The following PRKAG2 variants were observed in gnomAD, a reference collection of about 807,000 sequenced individuals.
PRKAG2 encodes the protein protein kinase AMP-activated non-catalytic subunit gamma 2.
In PRKAG2, 26 loss-of-function variants were observed where a neutral mutation model predicts 69.6. The observed-to-expected ratio is 0.37, with a 90% CI of 0.27 to 0.52. PRKAG2 has a LOEUF of 0.52. Among genes scored for constraint, PRKAG2 ranks in the 20% least tolerant of loss-of-function variants. The pLI is 0.90. For synonymous variants in PRKAG2, 293 were observed against 285.0 expected (o/e 1.03, Z -0.28); for missense variants, 557 against 740.0 (o/e 0.75, Z 2.87).
At chr7:151,855,348 G>GCTCCACACACACCGCC (rs2079723994) in intron 1 of PRKAG2, among the ~76,000 whole-genome samples, 1 of 1,330 alleles carries the variant, frequency 7.5e-4, no homozygotes, top group Non-Finnish European at 1.2e-3. Context: ...CACACACCAT[G>GCTCCACACACACCGCC]CTCCACACAC....
Position 151,781,263 on chromosome 7 carries a change from G to T in PRKAG2, c.355C>A (p.Arg119=). Residue 119 remains arginine, a synonymous_variant, in exon 3 of 16, where the codon CGA becomes AGA. Coordinates refer to ENST00000287878, the MANE Select transcript of PRKAG2 (RefSeq NM_016203.4). The surrounding 1 kb of genome is among the most constrained non-coding windows in gnomAD (Gnocchi z 6.1). ...SYQESPPRSP[R]RMSFSGIFRS... ...AAGATCCCACTGAAGCTCATGCGTCGAGGGGAGCGTGGCGGGGACTCCTGG... is the reference window on the plus strand; with the variant it reads ...AAGATCCCACTGAAGCTCATGCGTCTAGGGGAGCGTGGCGGGGACTCCTGG... 1 of 1,614,130 alleles carries T rather than the reference G, an allele frequency of 6.2e-7. No homozygotes were observed. The highest frequency in any genetic ancestry group is 8.5e-7 in the Non-Finnish European group (1 of 1,180,054).
chr7:151,686,546 G>A (rs545958993), intron 3 of PRKAG2, among the ~76,000 whole-genome samples: 114 of 152,208 alleles, frequency 7.5e-4, no homozygotes, highest in Non-Finnish European at 1.3e-3. Context: ...TGCAGCTGCC[G>A]GCCAGGCCAG....
intron 6 of PRKAG2, among the ~76,000 whole-genome samples, chr7:151,576,730 A>G (rs1809038696): frequency 6.6e-6 from 1 of 151,890 alleles, no homozygotes; most frequent in Admixed American, 6.6e-5. Context: ...CGAACTCCTG[A>G]CCTCAAGTGA....
intron 1 of PRKAG2, among the ~76,000 whole-genome samples, chr7:151,860,580 C>T (rs1336351385): frequency 1.3e-5 from 2 of 152,128 alleles, no homozygotes; most frequent in Non-Finnish European, 2.9e-5. Context: ...CCACCCCACC[C>T]GAGGCCCACT....
intron 3 of PRKAG2, among the ~76,000 whole-genome samples, chr7:151,702,507 C>G (rs73158176): frequency 0.19 from 28,301 of 152,250 alleles, 3,346 homozygotes; most frequent in Non-Finnish European, 0.26. Context: ...CCTGCCCACC[C>G]GCTTGCCTTC....
chr7:151,661,386 C>T (rs1439858766), intron 4 of PRKAG2, among the ~76,000 whole-genome samples: 1 of 152,106 alleles, frequency 6.6e-6, no homozygotes, highest in East Asian at 1.9e-4. Context: ...CCATATTGGT[C>T]AGGCTGGTCT....
At chr7:151,618,232 C>T (rs1820623746) in intron 5 of PRKAG2, among the ~76,000 whole-genome samples, 1 of 152,048 alleles carries the variant, frequency 6.6e-6, no homozygotes, top group Admixed American at 6.6e-5. Flanking sequence ...GCAGGCAGAT[C>T]ACTTGAGGTC....
At chr7:151,851,341 C>CA (rs968504142) in intron 1 of PRKAG2, among the ~76,000 whole-genome samples, 174 of 114,484 alleles carry the variant, frequency 1.5e-3, no homozygotes, top group South Asian at 3.3e-3. Flanking sequence ...GGGCCTCTGG[C>CA]AAAAAAAAAA....
At chr7:151,832,162 T>G (rs1330450069) in intron 1 of PRKAG2, among the ~76,000 whole-genome samples, 1 of 150,576 alleles carries the variant, frequency 6.6e-6, no homozygotes, top group African/African-American at 2.5e-5. Flanking sequence ...TGAAATTGAA[T>G]TTCCCCCCAA....
chr7:151,649,921 T>C (rs1828188720), intron 4 of PRKAG2, among the ~76,000 whole-genome samples: 1 of 152,150 alleles, frequency 6.6e-6, no homozygotes, highest in Admixed American at 6.5e-5. Context: ...CATACAGTGC[T>C]TTTTAAAGGG....
chr7:151,697,490 G>A (rs535992173), intron 3 of PRKAG2, among the ~76,000 whole-genome samples: 8 of 152,234 alleles, frequency 5.3e-5, no homozygotes, highest in Non-Finnish European at 7.4e-5. Flanking sequence ...AGGACCCGCC[G>A]CTGGAAGTGA....
intron 5 of PRKAG2, among the ~76,000 whole-genome samples, chr7:151,602,390 T>C (rs1258391681): frequency 6.6e-6 from 1 of 152,220 alleles, no homozygotes; most frequent in African/African-American, 2.4e-5. Context: ...ACACATATTA[T>C]AGACATATTA....
intron 1 of PRKAG2, 107 bp downstream of exon 1, chr7:151,876,400 G>T: frequency 9.0e-7 from 1 of 1,105,936 alleles, no homozygotes; most frequent in Non-Finnish European, 1.4e-6. Flanking sequence ...GAAGTGACAG[G>T]AGGGGCACGC....
At chr7:151,762,218 C>T (rs1394997990) in intron 3 of PRKAG2, among the ~76,000 whole-genome samples, 1 of 152,134 alleles carries the variant, frequency 6.6e-6, no homozygotes, top group East Asian at 1.9e-4. Context: ...AGAGGAAGGC[C>T]CTGCATGGTA....
At chr7:151,874,811 C>T (rs571358989) in intron 1 of PRKAG2, among the ~76,000 whole-genome samples, 167 of 152,260 alleles carry the variant, frequency 1.1e-3, no homozygotes, top group African/African-American at 3.9e-3. Flanking sequence ...TCACTTGAGC[C>T]TGGGGAGGTT....
rs876657566 is a variant in PRKAG2, at chr7:151,595,372, C to T, written c.837G>A (p.Lys279=). 1.2e-6 allele frequency: 2 copies of T among 1,613,660 alleles called. No homozygotes were observed. Among genetic ancestry groups the T allele is most frequent in the Non-Finnish European group, 1.7e-6 (2 of 1,179,702 alleles). The change falls in exon 6 of 16, where the codon AAG becomes AAA. Residue 279 remains lysine (K), a synonymous_variant. Transcript: ENST00000287878. ...KCYDIVPTSS[K]LVVFDTTLQV... ...GTAATGTAGTATCAAAGACAACAAGCTTTGAACTGGTTGGAACGATGTCAT... is the reference window on the plus strand; with the variant it reads ...GTAATGTAGTATCAAAGACAACAAGTTTTGAACTGGTTGGAACGATGTCAT...
chr7:151,638,616 G>C lies in PRKAG2; in HGVS notation c.685-6478C>G, dbSNP rs1054514484. On this transcript the variant is annotated intron_variant, in intron 4 of 15. Coordinates refer to ENST00000287878, the MANE Select transcript of PRKAG2 (RefSeq NM_016203.4). This position sits in a 1 kb window ranked among gnomAD's most constrained non-coding sequence, Gnocchi z 4.3. ...ACCACTGCACTCCAGCTTGGCGACA[G>C]AGTGAGACTCTGTCTCAAAAAAAAA... Among the ~76,000 whole-genome samples the C allele has an allele frequency of 2.0e-5, 3 of 151,958 alleles. No homozygotes were observed. The highest frequency in any genetic ancestry group is 2.9e-5 in the Non-Finnish European group (2 of 68,014).
intron 5 of PRKAG2, among the ~76,000 whole-genome samples, chr7:151,628,060 GAC>G (rs2151305436): frequency 6.6e-6 from 1 of 152,274 alleles, no homozygotes; most frequent in South Asian, 2.1e-4. Flanking sequence ...GAAGAGGAGA[GAC>G]AGTCAGTCTG....
At position 151,557,178 on chromosome 7, in the gene PRKAG2, T is replaced by C; in HGVS notation, c.*23A>G. 1.2e-6 allele frequency: 2 copies of C among 1,614,128 alleles called. No individual in the cohort carries two copies. Among genetic ancestry groups the C allele is most frequent in the South Asian group, 2.2e-5 (2 of 91,086 alleles). ...AGAGACTTTGTTCAAGTTCTCCTCC[T>C]AGGGCGTCTACATTCACGGCGGTCA... On this transcript the variant is annotated 3_prime_UTR_variant, in exon 16 of 16. Transcript: ENST00000287878.
Sources: gnomAD v4.1 joint callset for allele counts (sites outside exome capture counted in the v4.1 genomes callset) on GRCh38, gnomAD v4.1.1 for gene constraint, Gnocchi (gnomAD v3.1) non-coding constraint, MANE v1.5 for transcripts, NCBI Gene and HGNC (gene_info 2026-07-23, HGNC 2026-07-21) for gene names.